Variants in ACOT11 observed in about 807,000 individuals in gnomAD.
ACOT11 encodes the protein acyl-coenzyme A thioesterase 11.
A neutral mutation model predicts 77.5 loss-of-function variants in ACOT11; 69 were observed. The observed-to-expected ratio is 0.89, with a 90% CI of 0.73 to 1.09. The LOEUF (loss-of-function observed/expected upper bound fraction) is 1.09, where lower values mean the gene tolerates loss of function less well. Among genes scored for constraint, ACOT11 ranks in the 50% least tolerant of loss-of-function variants. The pLI, the probability that ACOT11 is intolerant of heterozygous loss-of-function variation, is 0.00. For missense variants in ACOT11, 766 were observed against 813.7 expected (o/e 0.94, Z 0.71); for synonymous variants, 279 against 313.0 (o/e 0.89, Z 1.15).
At chr1:54,619,907 G>C (rs775423980) in intron 15 of ACOT11, 1 of 1,614,128 alleles carries the variant, frequency 6.2e-7, no homozygotes. Context: ...TGGCTGCGTG[G>C]TACCAGGTGA....
chr1:54,611,523 C>T, downstream of ACOT11: 2 of 1,446,582 alleles, frequency 1.4e-6, no homozygotes, highest in Non-Finnish European at 1.9e-6. Flanking sequence ...ATATCCCTTC[C>T]ACCCAGCTCT....
In ACOT11 at chr1:54,610,161, T is replaced by G. The variant is rs1644100604; in HGVS notation, c.*1049T>G. Reference sequence around the variant, plus strand: ...TCAGCTCTTGGCCTTTACCCATGACTCAGCCTGGGGGCTGGTGCCGGCCTT... The same window carrying G: ...TCAGCTCTTGGCCTTTACCCATGACGCAGCCTGGGGGCTGGTGCCGGCCTT... On this transcript the variant is annotated 3_prime_UTR_variant, in exon 16 of 16. Transcript: ENST00000343744. The G allele has an allele frequency of 7.0e-7, 1 of 1,432,734 alleles. No individual in the cohort carries two copies. 88.8% of individuals were successfully genotyped at this position (1,432,734 alleles called of 1,614,324 possible).
At chr1:54,626,290 G>GAGAAA (rs202231257) in intron 15 of ACOT11, among the ~76,000 whole-genome samples, 1,558 of 151,724 alleles carry the variant, frequency 0.01, 23 homozygotes, top group African/African-American at 0.03. Context: ...AAAGAAAAAA[G>GAGAAA]AGAAAAGACA....
chr1:54,555,187 A>G lies in ACOT11; in HGVS notation c.33+6845A>G, dbSNP rs570681864. 4.6e-5 allele frequency among the ~76,000 whole-genome samples: 7 copies of G among 152,256 alleles called. No homozygotes were observed. The South Asian group carries it at 1.2e-3, about 27-fold the overall frequency. On this transcript the variant is annotated intron_variant, in intron 1 of 15. Transcript: ENST00000343744. ...TGTTGGTCAGCCTGGTCTCGAACTC[A>G]TAACCTCATGATCCACCTGCCTTGG...
At chr1:54,581,914 A>T (rs1654323546) in intron 1 of ACOT11, among the ~76,000 whole-genome samples, 1 of 152,034 alleles carries the variant, frequency 6.6e-6, no homozygotes, top group Admixed American at 6.5e-5. Context: ...GCATGCCCTA[A>T]TGTGGGCAGA....
chr1:54,607,057 G>A lies in ACOT11; in HGVS notation c.1371-77G>A. The A allele has an allele frequency of 6.3e-7, 1 of 1,585,402 alleles. No individual in the cohort carries two copies. The highest frequency in any genetic ancestry group is 1.1e-5 in the South Asian group (1 of 87,464). ...GAAGCTGCTCAGGCACTGCAGTGTG[G>A]CAGGGCCCGGGCAGACCCGCTGCTT... On this transcript the variant is annotated intron_variant, in intron 13 of 15. Coordinates refer to ENST00000343744, the MANE Select transcript of ACOT11 (RefSeq NM_147161.4). The surrounding 1 kb of genome is among the most constrained non-coding windows in gnomAD (Gnocchi z 4.5).
intron 4 of ACOT11, 92 bp from the exon 5 acceptor site, chr1:54,593,849 G>A: frequency 2.8e-6 from 3 of 1,083,234 alleles, no homozygotes; most frequent in Non-Finnish European, 2.8e-6. Flanking sequence ...CCTGGCCTGG[G>A]CTGGGACTTG....
chr1:54,590,037 G>A (rs1164579843), intron 3 of ACOT11, among the ~76,000 whole-genome samples: 6 of 151,068 alleles, frequency 4.0e-5, no homozygotes, highest in African/African-American at 1.2e-4. Context: ...GCAGTGAGCC[G>A]AGATAGTGCC....
chr1:54,602,438 T>C (rs985032616), intron 9 of ACOT11, among the ~76,000 whole-genome samples: 1 of 152,164 alleles, frequency 6.6e-6, no homozygotes, highest in African/African-American at 2.4e-5. Flanking sequence ...AGGAGGAAAC[T>C]GAGGTCTGGC....
chr1:54,601,478 G>T, intron 9 of ACOT11, 65 bp downstream of exon 9: 2 of 1,574,112 alleles, frequency 1.3e-6, no homozygotes, highest in African/African-American at 1.3e-5. Flanking sequence ...CCCTGGCATG[G>T]TGGAGACTGC....
At chr1:54,565,273 G>T (rs1010713273) in intron 1 of ACOT11, among the ~76,000 whole-genome samples, 1 of 152,194 alleles carries the variant, frequency 6.6e-6, no homozygotes. Flanking sequence ...CACTGCCTGG[G>T]TGGGATCCAC....
In ACOT11 at chr1:54,548,358, T is replaced by TG; in HGVS notation, c.33+20dup. 1 of 1,599,678 alleles carries TG rather than the reference T, an allele frequency of 6.3e-7. No homozygotes were observed. The highest frequency in any genetic ancestry group is 8.5e-7 in the Non-Finnish European group (1 of 1,173,560). The stretch of plus-strand genomic sequence containing the variant: ...CCTGCGACGGGTATGGAGGGTGGGC[T>TG]GGGGCAGCGGGAGGGCTCTGGAAGC... On this transcript the variant is annotated intron_variant, in intron 1 of 15. Coordinates refer to ENST00000343744, the MANE Select transcript of ACOT11 (RefSeq NM_147161.4).
chr1:54,579,109 A>G (rs1382945658), intron 1 of ACOT11, among the ~76,000 whole-genome samples: 1 of 152,248 alleles, frequency 6.6e-6, no homozygotes, highest in Admixed American at 6.5e-5. Context: ...ATGATCTGAT[A>G]TTGTATGACA....
intron 15 of ACOT11, chr1:54,623,195 G>T: frequency 1.1e-6 from 1 of 896,678 alleles, no homozygotes; most frequent in Non-Finnish European, 1.8e-6. Flanking sequence ...AAAAGGGACT[G>T]GTCAGAGCTG....
intron 1 of ACOT11, among the ~76,000 whole-genome samples, chr1:54,571,936 G>A (rs300275): frequency 0.36 from 54,966 of 151,866 alleles, 11,508 homozygotes; most frequent in Non-Finnish European, 0.49. Flanking sequence ...GGAAGGGCCC[G>A]CAGGACCCTG....
At chr1:54,594,217 C>G (rs759354771) in intron 5 of ACOT11, among the ~76,000 whole-genome samples, 178 bp downstream of exon 5, 2 of 152,162 alleles carry the variant, frequency 1.3e-5, no homozygotes, top group African/African-American at 4.8e-5. Context: ...CCCCCAGCCC[C>G]CTCTCCCCTC....
chr1:54,561,931 C>G, intron 1 of ACOT11, among the ~76,000 whole-genome samples: 1 of 107,228 alleles, frequency 9.3e-6, no homozygotes, highest in East Asian at 2.8e-4. Context: ...CCCCACCTCC[C>G]TCCCGGACGG....
chr1:54,591,653 C>G (rs979302244), intron 3 of ACOT11, among the ~76,000 whole-genome samples: 1 of 152,252 alleles, frequency 6.6e-6, no homozygotes, highest in African/African-American at 2.4e-5. Context: ...ATCAGCTGGG[C>G]ACCCTCTGCC....
chr1:54,603,265 G>A (rs1350486654), intron 10 of ACOT11, among the ~76,000 whole-genome samples: 2 of 152,188 alleles, frequency 1.3e-5, no homozygotes, highest in African/African-American at 4.8e-5. Flanking sequence ...CAAGAGAATC[G>A]CTTGAACCGG....
Sources: allele counts gnomAD v4.1 joint callset (sites outside exome capture counted in the v4.1 genomes callset), GRCh38; gene constraint gnomAD v4.1.1; non-coding constraint Gnocchi (gnomAD v3.1); transcripts MANE v1.5; gene names NCBI Gene and HGNC (gene_info 2026-07-23, HGNC 2026-07-21).